The following EIPR1 variants were observed in gnomAD, a reference collection of about 807,000 sequenced individuals.
EIPR1 encodes EARP and GARP complex-interacting protein 1.
EIPR1 carries 25 observed loss-of-function variants against 48.1 expected under a neutral mutation model. The observed-to-expected ratio is 0.52, with a 90% CI of 0.38 to 0.73. EIPR1 has a LOEUF of 0.73. EIPR1 is among the 30% of genes least tolerant of loss of function. The probability of loss-of-function intolerance (pLI) is 0.00; values close to 1 mark genes in which losing one functional copy is unlikely to be tolerated. For synonymous variants in EIPR1, 204 were observed against 201.9 expected, an observed-to-expected ratio of 1.01 and a Z score of -0.09; for missense variants, 415 against 506.2, an observed-to-expected ratio of 0.82 and a Z score of 1.73.
rs1387125751 is a variant in EIPR1 at position 3,280,126 on chromosome 2, G to A, written c.260-22671C>T. On this transcript the variant is annotated intron_variant, in intron 3 of 8. Coordinates refer to ENST00000382125, the MANE Select transcript of EIPR1 (RefSeq NM_003310.5). ...GATGTGTTGTGGTTTATGCCTTTCC[G>A]ATTCTTTAACTGTGAGAAAAAAGGG... Among the ~76,000 whole-genome samples, 4 of 152,130 alleles carry A rather than the reference G, an allele frequency of 2.6e-5. No individual in the cohort carries two copies. The East Asian group carries it at 5.8e-4, about 22-fold the overall frequency.
rs377076878 is a variant in EIPR1, at chr2:3,224,329, G to A, written c.417-10081C>T. On this transcript the variant is annotated intron_variant, in intron 4 of 8. Coordinates refer to ENST00000382125, the MANE Select transcript of EIPR1 (RefSeq NM_003310.5). Reference sequence around the variant, plus strand: ...CTTCAACCCTGCCGTAAGAGCAACCGGCACTTACGCAGCTCCTACCATGCG... The same window carrying A: ...CTTCAACCCTGCCGTAAGAGCAACCAGCACTTACGCAGCTCCTACCATGCG... 6.9e-3 allele frequency among the ~76,000 whole-genome samples: 1,055 copies of A among 152,266 alleles called. 9 individuals carry two copies. Among genetic ancestry groups the A allele is most frequent in the Non-Finnish European group, 0.011 (751 of 68,026 alleles).
At chr2:3,280,925 T>C (rs1190753899) in intron 3 of EIPR1, among the ~76,000 whole-genome samples, 1 of 152,218 alleles carries the variant, frequency 6.6e-6, no homozygotes, top group African/African-American at 2.4e-5. Flanking sequence ...CCTGTGCAGC[T>C]GCTGCTGCTG....
At chr2:3,342,293 C>T (rs919386809) in intron 2 of EIPR1, among the ~76,000 whole-genome samples, 1 of 152,216 alleles carries the variant, frequency 6.6e-6, no homozygotes, top group Non-Finnish European at 1.5e-5. Flanking sequence ...CACACAGGAA[C>T]ACAGACCACA....
intron 3 of EIPR1, among the ~76,000 whole-genome samples, chr2:3,297,388 T>C (rs1272238882): frequency 6.6e-6 from 1 of 152,238 alleles, no homozygotes; most frequent in African/African-American, 2.4e-5. Context: ...AGGCAAGTGG[T>C]AAGCACAGGG....
chr2:3,311,941 G>C (rs562171976), intron 3 of EIPR1, among the ~76,000 whole-genome samples: 3 of 152,286 alleles, frequency 2.0e-5, no homozygotes, highest in Admixed American at 2.0e-4. Flanking sequence ...TGAATCCTGC[G>C]GGAACCTGGA....
intron 1 of EIPR1, among the ~76,000 whole-genome samples, chr2:3,372,428 T>G (rs927353058): frequency 1.3e-5 from 2 of 150,930 alleles, no homozygotes; most frequent in Admixed American, 6.6e-5. Flanking sequence ...CTTCAAAAAA[T>G]TAATGAATCC....
At chr2:3,274,228 T>G in intron 3 of EIPR1, 1 of 1,475,198 alleles carries the variant, frequency 6.8e-7, no homozygotes, top group Non-Finnish European at 9.0e-7. Context: ...ATAAACAAAT[T>G]ATCAGACTCA....
In EIPR1 at chr2:3,362,279, C is replaced by T. The variant is rs376895644; in HGVS notation, c.43-7646G>A. On this transcript the variant is annotated intron_variant, in intron 1 of 8. Coordinates refer to ENST00000382125, the MANE Select transcript of EIPR1 (RefSeq NM_003310.5). ...CCCCATTCATACACAGGGGGATGTG[C>T]CCCTCCCTCCAGCCTGCCCCATTCA... Among the ~76,000 whole-genome samples, 10 of 151,918 alleles carry T rather than the reference C, an allele frequency of 6.6e-5. No homozygotes were observed. In the East Asian group the frequency reaches 7.8e-4, roughly 12 times the overall value.
intron 4 of EIPR1, among the ~76,000 whole-genome samples, chr2:3,257,002 C>A (rs759831847): frequency 2.6e-5 from 4 of 152,170 alleles, no homozygotes; most frequent in African/African-American, 4.8e-5. Context: ...AGCCACACAG[C>A]GCTCGAGGGC....
At chr2:3,374,637 C>A (rs1215202887) in intron 1 of EIPR1, among the ~76,000 whole-genome samples, 1 of 151,672 alleles carries the variant, frequency 6.6e-6, no homozygotes, top group Non-Finnish European at 1.5e-5. Flanking sequence ...AAATGCTCAT[C>A]ATCACTGGCC....
At chr2:3,190,707 A>C (rs1189107342) in intron 8 of EIPR1, among the ~76,000 whole-genome samples, 4 of 152,074 alleles carry the variant, frequency 2.6e-5, no homozygotes, top group African/African-American at 9.7e-5. Context: ...GGCAGAGAGG[A>C]CGGTAAAGGG....
intron 3 of EIPR1, among the ~76,000 whole-genome samples, chr2:3,302,085 G>A (rs1668778433): frequency 6.6e-6 from 1 of 152,204 alleles, no homozygotes; most frequent in Non-Finnish European, 1.5e-5. Flanking sequence ...CTCCAGAGTG[G>A]AACTGAATTC....
chr2:3,319,280 G>A, intron 3 of EIPR1: 1 of 289,142 alleles, frequency 3.5e-6, no homozygotes, highest in South Asian at 3.4e-5. Flanking sequence ...GAAGTGCGCT[G>A]TGTGCTCCTA....
chr2:3,223,301 C>A (rs2167960), intron 4 of EIPR1, among the ~76,000 whole-genome samples: 230 of 152,206 alleles, frequency 1.5e-3, no homozygotes, highest in Middle Eastern at 3.4e-3. Context: ...GCACTCCCCC[C>A]ACACATGCAA....
intron 5 of EIPR1, among the ~76,000 whole-genome samples, chr2:3,213,647 C>G (rs149427090): frequency 6.6e-6 from 1 of 152,160 alleles, no homozygotes; most frequent in East Asian, 1.9e-4. Flanking sequence ...TGCAGCAAAA[C>G]GCAGATGTTT....
At chr2:3,369,921 G>A (rs1157787685) in intron 1 of EIPR1, among the ~76,000 whole-genome samples, 1 of 152,176 alleles carries the variant, frequency 6.6e-6, no homozygotes, top group African/African-American at 2.4e-5. Context: ...CTGAGAACGG[G>A]CAGACTGCCT....
intron 3 of EIPR1, among the ~76,000 whole-genome samples, chr2:3,280,209 C>A (rs1234843551): frequency 6.6e-6 from 1 of 152,218 alleles, no homozygotes; most frequent in Admixed American, 6.5e-5. Flanking sequence ...CCTGCTTAGC[C>A]CCTTTAAACC....
At chr2:3,257,271 T>C (rs1266559279) in intron 4 of EIPR1, 28 bp downstream of exon 4, 1 of 1,602,710 alleles carries the variant, frequency 6.2e-7, no homozygotes, top group Non-Finnish European at 8.5e-7. Flanking sequence ...AGGCTCGTTC[T>C]GGGCGCATGA....
In EIPR1 at chr2:3,338,054, A is replaced by G. The variant is rs778372222; in HGVS notation, c.222T>C (p.Pro74=). 46 of 1,611,464 alleles carry G rather than the reference A, an allele frequency of 2.9e-5. No individual in the cohort carries two copies. Among genetic ancestry groups the G allele is most frequent in the Non-Finnish European group, 3.8e-5 (45 of 1,179,568 alleles). Residue 74 remains proline, a synonymous_variant, in exon 3 of 9, where the codon CCT becomes CCC. Transcript: ENST00000382125. ...AGEIWHISAS[P]ADRGVLTTCY... ...AGGTCGTCAGCACACCTCTGTCTGC[A>G]GGGCTAGCGCTAATATGCCAGATTT...
Sources: gnomAD v4.1 joint callset for allele counts (sites outside exome capture counted in the v4.1 genomes callset) on GRCh38, gnomAD v4.1.1 for gene constraint, MANE v1.5 for transcripts, NCBI Gene and HGNC (gene_info 2026-07-23, HGNC 2026-07-21) for gene names.